Variants in RAB6A observed in about 807,000 individuals in gnomAD.
The protein encoded by RAB6A is ras-related protein Rab-6A.
Under a neutral mutation model 32.3 loss-of-function variants are expected in RAB6A, and 8 were observed. The observed-to-expected ratio is 0.25, with a 90% CI of 0.15 to 0.45. The LOEUF (loss-of-function observed/expected upper bound fraction) is 0.45, where lower values mean the gene tolerates loss of function less well. Ranked by LOEUF, RAB6A falls within the 20% of genes least tolerant of loss-of-function variation. The pLI, the probability that RAB6A is intolerant of heterozygous loss-of-function variation, is 1.00. For synonymous variants in RAB6A, 73 were observed against 82.1 expected (o/e 0.89, Z 0.60); for missense variants, 104 against 249.4 (o/e 0.42, Z 3.93).
chr11:73,736,809 G>GAAAAAAAAAAAAAAAA lies in RAB6A; in HGVS notation c.71-6002_71-5987dup, dbSNP rs756237159. ...TTCATCTCGAGAAAGAAAAAAAAAA[G>GAAAAAAAAAAAAAAAA]AAAAAAAAAAAAAAAAACAATTAGC... On this transcript the variant is annotated intron_variant, in intron 1 of 7. Coordinates refer to ENST00000336083, the MANE Select transcript of RAB6A (RefSeq NM_198896.2). Among the ~76,000 whole-genome samples the GAAAAAAAAAAAAAAAA allele has an allele frequency of 3.7e-4, 40 of 108,754 alleles. 1 individual carries two copies. The highest frequency in any genetic ancestry group is 7.9e-4 in the East Asian group (3 of 3,786). The allele number at this position is 108,754 out of a possible 152,430, so 71.3% of individuals were successfully genotyped here.
At chr11:73,697,882 A>C (rs889685602) in intron 6 of RAB6A, among the ~76,000 whole-genome samples, 1 of 152,226 alleles carries the variant, frequency 6.6e-6, no homozygotes, top group Non-Finnish European at 1.5e-5. Flanking sequence ...CTGTCAGTTC[A>C]TATTCATTAT....
In RAB6A at chr11:73,677,393, T is replaced by G. The variant is rs1945285681; in HGVS notation, c.*505A>C. 1 of 181,026 alleles carries G rather than the reference T, an allele frequency of 5.5e-6. No individual in the cohort carries two copies. The highest frequency in any genetic ancestry group is 1.3e-5 in the Non-Finnish European group (1 of 77,578). The allele number at this position is 181,026 out of a possible 1,614,324, so 11.2% of individuals were successfully genotyped here. ...AAGTGGTATCTGTAAAATTAAAGGA[T>G]AATTCCAATGGGCTTGGTAGAACTG... On this transcript the variant is annotated 3_prime_UTR_variant, in exon 8 of 8. Transcript: ENST00000336083.
At chr11:73,721,027 A>C (rs1170392030) in intron 2 of RAB6A, 128 bp from the exon 3 acceptor site, 1 of 693,300 alleles carries the variant, frequency 1.4e-6, no homozygotes, top group East Asian at 2.7e-5. Context: ...TAGTCAATTA[A>C]GGACAATTAA....
chr11:73,759,951 CAAG>C, intron 1 of RAB6A: 1 of 1,138,808 alleles, frequency 8.8e-7, no homozygotes, highest in Non-Finnish European at 1.2e-6. Flanking sequence ...ACCCCATGCT[CAAG>C]TCGTCTCCAA....
chr11:73,716,862 C>T (rs534911655), intron 4 of RAB6A, among the ~76,000 whole-genome samples: 1 of 152,292 alleles, frequency 6.6e-6, no homozygotes, highest in East Asian at 1.9e-4. Context: ...TCACTTTAAC[C>T]TAAAGTTTAT....
chr11:73,746,466 C>A (rs954215192), intron 1 of RAB6A, among the ~76,000 whole-genome samples: 2 of 151,972 alleles, frequency 1.3e-5, no homozygotes, highest in African/African-American at 4.8e-5. Flanking sequence ...TATGATTGTG[C>A]CACTACACTC....
At chr11:73,750,872 G>A (rs1304096648) in intron 1 of RAB6A, among the ~76,000 whole-genome samples, 1 of 151,896 alleles carries the variant, frequency 6.6e-6, no homozygotes, top group Non-Finnish European at 1.5e-5. Flanking sequence ...GCTAGAGTGA[G>A]GTGACACAAT....
chr11:73,681,841 C>A (rs1354358135), intron 6 of RAB6A, among the ~76,000 whole-genome samples: 2 of 151,994 alleles, frequency 1.3e-5, no homozygotes, highest in African/African-American at 2.4e-5. Context: ...TATAAAGGAG[C>A]AAATTGTAAA....
chr11:73,677,858 G>A lies in RAB6A; in HGVS notation c.*40C>T. 6.2e-7 allele frequency: 1 copy of A among 1,613,044 alleles called. No homozygotes were observed. Among genetic ancestry groups the A allele is most frequent in the East Asian group, 2.2e-5 (1 of 44,874 alleles). ...TCAATGAAAGAGTAAGGGGGCCAAAGCAGTGAGCTTCTGAAGAAGGTTGAA... is the reference window on the plus strand; with the variant it reads ...TCAATGAAAGAGTAAGGGGGCCAAAACAGTGAGCTTCTGAAGAAGGTTGAA... On this transcript the variant is annotated 3_prime_UTR_variant, in exon 8 of 8. Coordinates refer to ENST00000336083, the MANE Select transcript of RAB6A (RefSeq NM_198896.2).
At chr11:73,690,893 T>TAAAAA in intron 6 of RAB6A, among the ~76,000 whole-genome samples, 1 of 143,472 alleles carries the variant, frequency 7.0e-6, no homozygotes. Flanking sequence ...TAGGAAACAT[T>TAAAAA]AAAAAAAAAA....
At chr11:73,726,227 G>GT (rs1352223476) in intron 2 of RAB6A, among the ~76,000 whole-genome samples, 1 of 147,728 alleles carries the variant, frequency 6.8e-6, no homozygotes, top group Non-Finnish European at 1.5e-5. Flanking sequence ...AGAGGTTGTA[G>GT]TAAGCCAAGA....
intron 1 of RAB6A, among the ~76,000 whole-genome samples, chr11:73,749,960 A>G (rs576868111): frequency 2.7e-4 from 41 of 152,328 alleles, no homozygotes; most frequent in Non-Finnish European, 3.8e-4. Context: ...CAGGAGTTCA[A>G]GGCCAGCCTG....
rs557001827 is a variant in RAB6A at position 73,718,707 on chromosome 11, T to C, written c.195A>G (p.Gln65=). Residue 65 remains glutamine (Q), a synonymous_variant, in exon 4 of 8, where the codon CAA becomes CAG. Transcript: ENST00000336083. ...MYLEDRTVRL[Q]LWDTAGQERF... The stretch of plus-strand genomic sequence containing the variant: ...GCTCTTGACCTGCTGTGTCCCATAA[T>C]TGCAATCGTACCTAACAACAAAATC... The C allele has an allele frequency of 1.4e-5, 23 of 1,614,078 alleles. No homozygotes were observed. Among genetic ancestry groups the C allele is most frequent in the East Asian group, 2.2e-5 (1 of 44,876 alleles).
chr11:73,724,775 T>A (rs140554518), intron 2 of RAB6A, among the ~76,000 whole-genome samples: 2 of 152,192 alleles, frequency 1.3e-5, no homozygotes, highest in East Asian at 1.9e-4. Context: ...CGTGAGCCAC[T>A]GCGCCTGGCC....
At chr11:73,682,402 G>A (rs1222501223) in intron 6 of RAB6A, among the ~76,000 whole-genome samples, 1 of 152,198 alleles carries the variant, frequency 6.6e-6, no homozygotes, top group African/African-American at 2.4e-5. Flanking sequence ...GGTGGCTCAC[G>A]CCTGTAATCC....
chr11:73,722,058 T>TA (rs1270436615), intron 2 of RAB6A, among the ~76,000 whole-genome samples: 3 of 147,744 alleles, frequency 2.0e-5, no homozygotes, highest in Non-Finnish European at 3.1e-5. Context: ...TCTGCCATGA[T>TA]TGTAAGTTTC....
chr11:73,694,659 G>C (rs1412544390), intron 6 of RAB6A, among the ~76,000 whole-genome samples: 1 of 152,142 alleles, frequency 6.6e-6, no homozygotes, highest in East Asian at 1.9e-4. Flanking sequence ...GATCACTTGG[G>C]CCCAGAAGTT....
intron 7 of RAB6A, 21 bp from the exon 8 acceptor site, chr11:73,677,983 C>T: frequency 1.9e-6 from 3 of 1,612,854 alleles, no homozygotes; most frequent in Non-Finnish European, 2.5e-6. Context: ...AGTTAAGAAG[C>T]CATAAATGGG....
intron 1 of RAB6A, among the ~76,000 whole-genome samples, chr11:73,737,572 G>A (rs1177400667): frequency 1.3e-5 from 2 of 152,120 alleles, no homozygotes; most frequent in African/African-American, 2.4e-5. Flanking sequence ...GCAGAAACAA[G>A]CCAAATGTCC....
Sources: allele counts gnomAD v4.1 joint callset (sites outside exome capture counted in the v4.1 genomes callset), GRCh38; gene constraint gnomAD v4.1.1; transcripts MANE v1.5; gene names NCBI Gene and HGNC (gene_info 2026-07-23, HGNC 2026-07-21).